DNHD1: variants seen among roughly 807,000 people sequenced by gnomAD.
DNHD1 encodes the protein dynein heavy chain domain 1, also known as dynein heavy chain domain-containing protein 1.
A neutral mutation model predicts 458.1 loss-of-function variants in DNHD1; 383 were observed. The ratio of observed to expected loss-of-function variants is 0.84; its 90% CI spans 0.77 to 0.91. DNHD1 has a LOEUF of 0.91. Ranked by LOEUF, DNHD1 falls within the 40% of genes least tolerant of loss-of-function variation. The probability of loss-of-function intolerance (pLI) is 0.00; values close to 1 mark genes in which losing one functional copy is unlikely to be tolerated. For synonymous variants in DNHD1, 2,203 were observed against 2,376.9 expected (o/e 0.93, Z 2.13); for missense variants, 5,336 against 5,866.1 (o/e 0.91, Z 2.95).
In DNHD1 at chr11:6,547,456, C is replaced by T. The variant is rs1306736371; in HGVS notation, c.6517C>T (p.Arg2173Trp). The T allele has an allele frequency of 2.0e-5, 31 of 1,551,214 alleles. No individual in the cohort carries two copies. The East Asian group carries it at 3.2e-4, about 16-fold the overall frequency. Residue 2173 changes from arginine to tryptophan, a missense_variant, in exon 21 of 43, where the codon CGG becomes TGG. This residue lies in a region of DNHD1 where 3,932 missense variants were observed against 4,365.6 expected (regional missense o/e 0.90). Coordinates refer to ENST00000254579, the MANE Select transcript of DNHD1 (RefSeq NM_144666.3). ...SLPYEYRLQHRTVAELNHMAE... is the reference protein window; with the variant it reads ...SLPYEYRLQHWTVAELNHMAE... Reference sequence around the variant, plus strand: ...TCCTTATGAGTACCGCCTGCAGCACCGGACAGTCGCTGAGCTCAACCACAT... The same window carrying T: ...TCCTTATGAGTACCGCCTGCAGCACTGGACAGTCGCTGAGCTCAACCACAT...
chr11:6,570,031 G>A lies in DNHD1; in HGVS notation c.12886G>A (p.Val4296Ile). ...TAGGAGTCAAGTGACTCTAACCCAG[G>A]TTCTTCAGACCCAAGACCAGCTGTG... ...GRWSQVTLTQ[V>I]LQTQDQLWAS... The change falls in exon 40 of 43, where the codon GTT (valine) becomes ATT (isoleucine). Residue 4296 changes from valine to isoleucine, a missense_variant. Physicochemically the swap from Val to Ile is conservative, Grantham distance 29. Coordinates refer to ENST00000254579, the MANE Select transcript of DNHD1 (RefSeq NM_144666.3). The A allele has an allele frequency of 6.2e-7, 1 of 1,613,836 alleles. No homozygotes were observed. Among genetic ancestry groups the A allele is most frequent in the Admixed American group, 1.7e-5 (1 of 60,006 alleles).
At chr11:6,514,823 G>T (rs1355944171) in intron 7 of DNHD1, among the ~76,000 whole-genome samples, 1 of 152,108 alleles carries the variant, frequency 6.6e-6, no homozygotes, top group Non-Finnish European at 1.5e-5. Context: ...GAATACCAAA[G>T]ACTGGGTAAT....
rs562793982 is a variant in DNHD1 at position 6,520,278 on chromosome 11, T to C, written c.1826T>C (p.Leu609Pro). 6.4e-7 allele frequency: 1 copy of C among 1,551,998 alleles called. No homozygotes were observed. The highest frequency in any genetic ancestry group is 2.4e-5 in the East Asian group (1 of 40,932). ...SADLKTSSDSLYSEEEDEEED... is the reference protein window; with the variant it reads ...SADLKTSSDSPYSEEEDEEED... ...GACCTGAAGACCTCCTCGGATTCCCTGTATTCTGAAGGTATTTAGGGAGAC... is the reference window on the plus strand; with the variant it reads ...GACCTGAAGACCTCCTCGGATTCCCCGTATTCTGAAGGTATTTAGGGAGAC... Residue 609 changes from leucine (L) to proline (P), a missense_variant, in exon 10 of 43, where the codon CTG becomes CCG. This residue lies in a region of DNHD1 where 3,932 missense variants were observed against 4,365.6 expected (regional missense o/e 0.90). Coordinates refer to ENST00000254579, the MANE Select transcript of DNHD1 (RefSeq NM_144666.3).
At position 6,514,181 on chromosome 11, in the gene DNHD1, G is replaced by C. The variant is rs542542358; in HGVS notation, c.1392+2752G>C. 2.0e-5 allele frequency among the ~76,000 whole-genome samples: 3 copies of C among 152,200 alleles called. No homozygotes were observed. The East Asian group carries it at 5.8e-4, about 29-fold the overall frequency. On this transcript the variant is annotated intron_variant, in intron 7 of 42. Coordinates refer to ENST00000254579, the MANE Select transcript of DNHD1 (RefSeq NM_144666.3). Reference sequence around the variant, plus strand: ...TGCAGTGGTGTGATCTCAGCTCACTGCAACCTCCACCTCCTGTGTTCAAGT... The same window carrying C: ...TGCAGTGGTGTGATCTCAGCTCACTCCAACCTCCACCTCCTGTGTTCAAGT...
chr11:6,569,936 C>T lies in DNHD1; in HGVS notation c.12864-73C>T, dbSNP rs943037612. On this transcript the variant is annotated intron_variant, in intron 39 of 42. Coordinates refer to ENST00000254579, the MANE Select transcript of DNHD1 (RefSeq NM_144666.3). The stretch of plus-strand genomic sequence containing the variant: ...CCGAAGCTCAGGAGAGAGGTTTGAA[C>T]TGAAGACAAGACTTGACAGTCCTCA... 3.0e-6 allele frequency: 4 copies of T among 1,352,806 alleles called. No homozygotes were observed. The Admixed American group carries it at 5.4e-5, about 18-fold the overall frequency. The allele number at this position is 1,352,806 out of a possible 1,614,324, so 83.8% of individuals were successfully genotyped here. A position where few individuals can be genotyped will look rare whatever the true frequency, so the allele number is the denominator to read the frequency against.
At position 6,529,079 on chromosome 11, in the gene DNHD1, G is replaced by C. The variant is rs2344829; in HGVS notation, c.2305G>C (p.Gly769Arg). 2 of 1,550,268 alleles carry C rather than the reference G, an allele frequency of 1.3e-6. No homozygotes were observed. Among genetic ancestry groups the C allele is most frequent in the Non-Finnish European group, 1.7e-6 (2 of 1,146,958 alleles). ...GCCTATCGAGTTGCTCACAAAAGGC[G>C]GGTTGCTGCTACTTAGCTGCCATGA... ...SMPIELLTKG[G>R]LLLLSCHDVQ... The change falls in exon 12 of 43, where the codon GGG becomes CGG. Residue 769 changes from glycine to arginine, a missense_variant. Around this residue, in one of 4 missense-constraint regions of DNHD1, gnomAD observed 3,932 missense variants for 4,365.6 expected, o/e 0.90. Transcript: ENST00000254579.
chr11:6,564,130 C>G lies in DNHD1; in HGVS notation c.10284+6C>G. On this transcript the variant is annotated splice_donor_region_variant and intron_variant, in intron 31 of 42. Coordinates refer to ENST00000254579, the MANE Select transcript of DNHD1 (RefSeq NM_144666.3). ...CCTGGACTACACAGCTCCAGGTAAC[C>G]ATCCCCCTCCCAGATGTCTCCCCCA... The G allele has an allele frequency of 3.2e-6, 5 of 1,546,232 alleles. No homozygotes were observed. Among genetic ancestry groups the G allele is most frequent in the Non-Finnish European group, 4.4e-6 (5 of 1,143,106 alleles).
Position 6,498,319 on chromosome 11 carries a change from C to T in DNHD1, c.104C>T (p.Pro35Leu), listed in dbSNP as rs886653281. ...SICVLDSKEQ[P>L]LACQQKQRQF... The stretch of plus-strand genomic sequence containing the variant: ...TGTGTCTTGGACAGCAAAGAACAGC[C>T]CTTGGCCTGCCAGCAGAAACAGAGG... Residue 35 changes from proline to leucine, a missense_variant, in exon 3 of 43, where the codon CCC becomes CTC. By Grantham distance (98) the Pro-to-Leu change is moderately conservative. Coordinates refer to ENST00000254579, the MANE Select transcript of DNHD1 (RefSeq NM_144666.3). The T allele has an allele frequency of 2.5e-6, 4 of 1,614,088 alleles. No individual in the cohort carries two copies. The African/African-American group carries it at 5.3e-5, about 22-fold the overall frequency.
Position 6,513,380 on chromosome 11 carries a change from C to T in DNHD1, c.1392+1951C>T, listed in dbSNP as rs989669625. On this transcript the variant is annotated intron_variant, in intron 7 of 42. Coordinates refer to ENST00000254579, the MANE Select transcript of DNHD1 (RefSeq NM_144666.3). Reference sequence around the variant, plus strand: ...CTGGTGCCTCTTTCATTGATACCCCCGCAGAGGTAACCAGTACTCTGACCT... The same window carrying T: ...CTGGTGCCTCTTTCATTGATACCCCTGCAGAGGTAACCAGTACTCTGACCT... Among the ~76,000 whole-genome samples, 7 of 152,166 alleles carry T rather than the reference C, an allele frequency of 4.6e-5. No homozygotes were observed. The South Asian group carries it at 8.3e-4, about 18-fold the overall frequency.
At position 6,539,199 on chromosome 11, in the gene DNHD1, C is replaced by G; in HGVS notation, c.3326-20C>G. 2 of 1,518,974 alleles carry G rather than the reference C, an allele frequency of 1.3e-6. No homozygotes were observed. 94.1% of individuals were successfully genotyped at this position (1,518,974 alleles called of 1,614,324 possible). A position where few individuals can be genotyped will look rare whatever the true frequency, so the allele number is the denominator to read the frequency against. On this transcript the variant is annotated intron_variant, in intron 16 of 42. Transcript: ENST00000254579. Reference sequence around the variant, plus strand: ...TGCCACATACTGGGTGTTGCTCTGACTTGTTTTCTCTACCTCCAGCCCTTG... The same window carrying G: ...TGCCACATACTGGGTGTTGCTCTGAGTTGTTTTCTCTACCTCCAGCCCTTG...
intron 7 of DNHD1, among the ~76,000 whole-genome samples, 185 bp downstream of exon 7, chr11:6,511,614 G>A (rs1852336874): frequency 2.0e-5 from 3 of 152,232 alleles, no homozygotes; most frequent in South Asian, 2.1e-4. Flanking sequence ...AATAACAGGT[G>A]TGCAGAGGCT....
At position 6,539,282 on chromosome 11, in the gene DNHD1, CA is replaced by C. The variant is rs1221677239; in HGVS notation, c.3390del (p.Leu1131CysfsTer68). The C allele has an allele frequency of 6.4e-7, 1 of 1,551,512 alleles. No individual in the cohort carries two copies. The highest frequency in any genetic ancestry group is 8.7e-7 in the Non-Finnish European group (1 of 1,146,972). On this transcript the variant is annotated frameshift_variant, in exon 17 of 43. Coordinates refer to ENST00000254579, the MANE Select transcript of DNHD1 (RefSeq NM_144666.3). LOFTEE classifies it high-confidence loss of function. Reference sequence around the variant, plus strand: ...ACGCTGGGCCAGCTGCTTACTTATCCACTGCTGGAGTTTGCAGATCGAATCA... The same window carrying C: ...ACGCTGGGCCAGCTGCTTACTTATCCCTGCTGGAGTTTGCAGATCGAATCA... ...LLTLGQLLTY[P>X]LLEFADRINQ...
Position 6,566,899 on chromosome 11 carries a change from GGCTGCTGACGAT to G in DNHD1, c.11398_11409del (p.Thr3800_Leu3803del). 1 of 1,611,808 alleles carries G rather than the reference GGCTGCTGACGAT, an allele frequency of 6.2e-7. No homozygotes were observed. Among genetic ancestry groups the G allele is most frequent in the South Asian group, 1.1e-5 (1 of 90,846 alleles). On this transcript the variant is annotated inframe_deletion, in exon 36 of 43. Coordinates refer to ENST00000254579, the MANE Select transcript of DNHD1 (RefSeq NM_144666.3). ...CCAACAAATGAGTGTATGCAGGAGC[GGCTGCTGACGAT>G]GCTGCTGTTCCAGAATCCGAAGCGT...
At position 6,509,281 on chromosome 11, in the gene DNHD1, T is replaced by G; in HGVS notation, c.1235+9T>G. 1.7e-4 allele frequency: 264 copies of G among 1,599,376 alleles called. No individual in the cohort carries two copies. Among genetic ancestry groups the G allele is most frequent in the Non-Finnish European group, 2.1e-4 (246 of 1,172,836 alleles). ...CTACTCCATATTAGCAGGTGAGGTA[T>G]TAAAAACACAACTTCATTGAGTTTT... On this transcript the variant is annotated intron_variant, in intron 6 of 42. Coordinates refer to ENST00000254579, the MANE Select transcript of DNHD1 (RefSeq NM_144666.3).
chr11:6,501,343 A>G (rs1224828721), intron 3 of DNHD1, among the ~76,000 whole-genome samples: 3 of 151,320 alleles, frequency 2.0e-5, no homozygotes, highest in Non-Finnish European at 4.4e-5. Flanking sequence ...ATATCCCTTA[A>G]CACAGTGCTT....
chr11:6,498,416 T>G lies in DNHD1; in HGVS notation c.201T>G (p.Thr67=). The G allele has an allele frequency of 6.2e-7, 1 of 1,614,216 alleles. No individual in the cohort carries two copies. Residue 67 remains threonine, a synonymous_variant, in exon 3 of 43, where the codon ACT becomes ACG. Coordinates refer to ENST00000254579, the MANE Select transcript of DNHD1 (RefSeq NM_144666.3). ...VLELLLAELR[T]LFSAVLQDSS... is the part of the protein sequence containing the mutation. ...AACTCCTGCTAGCTGAGCTCCGAAC[T>G]CTGTTCTCAGCTGTGTTGCAGGACA...
At chr11:6,537,543 G>GAA (rs35094892) in intron 14 of DNHD1, among the ~76,000 whole-genome samples, 4,091 of 142,372 alleles carry the variant, frequency 0.029, 94 homozygotes, top group Non-Finnish European at 0.045. Flanking sequence ...AAGTGATAGA[G>GAA]AAAAAAAAAA....
chr11:6,536,555 T>C (rs1004312624), intron 14 of DNHD1, among the ~76,000 whole-genome samples: 1 of 152,064 alleles, frequency 6.6e-6, no homozygotes, highest in Admixed American at 6.5e-5. Context: ...ATGGGTAAAA[T>C]GTCAACAAAA....
At chr11:6,537,930 C>CA (rs908906194) in intron 14 of DNHD1, among the ~76,000 whole-genome samples, 1,804 of 146,206 alleles carry the variant, frequency 0.012, 35 homozygotes, top group African/African-American at 0.04. Context: ...GACTCTGTCT[C>CA]AAAAAAAAAA....
Sources: gnomAD v4.1 joint callset for allele counts (sites outside exome capture counted in the v4.1 genomes callset) on GRCh38, gnomAD v4.1.1 for gene constraint, gnomAD v4.1.1 regional missense constraint, MANE v1.5 for transcripts, NCBI Gene and HGNC (gene_info 2026-07-23, HGNC 2026-07-21) for gene names.